Variants in TBCK observed in about 807,000 individuals in gnomAD.
TBCK encodes the protein TBC1 domain containing kinase.
TBCK carries 99 observed loss-of-function variants against 113.4 expected under a neutral mutation model. The observed-to-expected ratio is 0.87, with a 90% CI of 0.74 to 1.03. The LOEUF (loss-of-function observed/expected upper bound fraction) is 1.03. TBCK is among the 50% of genes least tolerant of loss of function. TBCK has a pLI of 0.00. For synonymous variants in TBCK, 369 were observed against 370.8 expected (o/e 1.00, Z 0.05); for missense variants, 1,045 against 1,061.3 (o/e 0.98, Z 0.21).
At chr4:106,064,133 A>C (rs1736360268) in intron 25 of TBCK, among the ~76,000 whole-genome samples, 1 of 151,950 alleles carries the variant, frequency 6.6e-6, no homozygotes, top group Non-Finnish European at 1.5e-5. Context: ...CAAATATACT[A>C]GGGCTACAGG....
chr4:106,254,635 TAA>T (rs796167049), intron 5 of TBCK, among the ~76,000 whole-genome samples: 2 of 152,268 alleles, frequency 1.3e-5, no homozygotes, highest in African/African-American at 2.4e-5. Flanking sequence ...CTTTTATATT[TAA>T]GTTTCTTGAT....
In TBCK at chr4:106,214,628, AAATG is replaced by A. The variant is rs765959172; in HGVS notation, c.1775-1797_1775-1794del. ...GAAAGGGTATCAGCAATGGAAGATG[AAATG>A]AATGAAATGAAGTGAGAAGGAAAGT... On this transcript the variant is annotated intron_variant, in intron 19 of 25. Coordinates refer to ENST00000394708, the MANE Select transcript of TBCK (RefSeq NM_001163435.3). 2.2e-4 allele frequency among the ~76,000 whole-genome samples: 33 copies of A among 152,310 alleles called. No homozygotes were observed. In the East Asian group the frequency reaches 3.5e-3, roughly 16 times the overall value.
intron 3 of TBCK, among the ~76,000 whole-genome samples, chr4:106,267,459 G>A (rs1417982951): frequency 2.0e-5 from 3 of 151,844 alleles, no homozygotes; most frequent in African/African-American, 7.2e-5. Context: ...TAGAAGGACA[G>A]ATTTACAAAC....
At chr4:106,140,428 A>AG (rs1747042299) in intron 23 of TBCK, among the ~76,000 whole-genome samples, 1 of 141,230 alleles carries the variant, frequency 7.1e-6, no homozygotes, top group Non-Finnish European at 1.6e-5. Context: ...AAAACACATG[A>AG]GGCTACTTTA....
chr4:106,060,339 G>A (rs1408927513), intron 25 of TBCK, among the ~76,000 whole-genome samples: 1 of 151,718 alleles, frequency 6.6e-6, no homozygotes, highest in Non-Finnish European at 1.5e-5. Context: ...AGAGGCTAAT[G>A]TAGATGGTGA....
chr4:106,178,500 GTTCT>G (rs1160513651), intron 22 of TBCK, among the ~76,000 whole-genome samples: 4 of 151,858 alleles, frequency 2.6e-5, no homozygotes, highest in African/African-American at 7.2e-5. Flanking sequence ...CTTATACCCA[GTTCT>G]TTGAGAATTT....
At chr4:106,241,186 T>C (rs932638640) in intron 12 of TBCK, among the ~76,000 whole-genome samples, 1 of 151,600 alleles carries the variant, frequency 6.6e-6, no homozygotes, top group Non-Finnish European at 1.5e-5. Flanking sequence ...CAATAATAAA[T>C]TACCTTAGAA....
rs1734227894 is a variant in TBCK at position 106,046,480 on chromosome 4, C to T, written c.*90G>A. Reference sequence around the variant, plus strand: ...TACGGAAATGCAACAATCTGGACATCTAGTTTTGTCTGAGAGTGGCGTGGA... The same window carrying T: ...TACGGAAATGCAACAATCTGGACATTTAGTTTTGTCTGAGAGTGGCGTGGA... On this transcript the variant is annotated 3_prime_UTR_variant, in exon 26 of 26. Coordinates refer to ENST00000394708, the MANE Select transcript of TBCK (RefSeq NM_001163435.3). 1.4e-6 allele frequency: 1 copy of T among 691,352 alleles called. No homozygotes were observed. The highest frequency in any genetic ancestry group is 1.8e-5 in the African/African-American group (1 of 54,810). 42.8% of individuals were successfully genotyped at this position (691,352 alleles called of 1,614,324 possible).
intron 22 of TBCK, among the ~76,000 whole-genome samples, chr4:106,177,232 T>C (rs1010240088): frequency 6.6e-6 from 1 of 151,970 alleles, no homozygotes; most frequent in Admixed American, 6.6e-5. Context: ...TTATGTACTC[T>C]GGCTACTAAT....
In TBCK at chr4:106,070,757, T is replaced by G. The variant is rs559489319; in HGVS notation, c.2572-24077A>C. Among the ~76,000 whole-genome samples, 5 of 152,332 alleles carry G rather than the reference T, an allele frequency of 3.3e-5. No homozygotes were observed. In the East Asian group the frequency reaches 9.6e-4, roughly 29 times the overall value. ...TTGTAATTCTGGTAGAATTGGGCTGTGAATCCATCTGGTCCTCGACTTTTT... is the reference window on the plus strand; with the variant it reads ...TTGTAATTCTGGTAGAATTGGGCTGGGAATCCATCTGGTCCTCGACTTTTT... On this transcript the variant is annotated intron_variant, in intron 25 of 25. Coordinates refer to ENST00000394708, the MANE Select transcript of TBCK (RefSeq NM_001163435.3).
At chr4:106,217,045 A>G (rs1757030548) in intron 19 of TBCK, among the ~76,000 whole-genome samples, 1 of 152,130 alleles carries the variant, frequency 6.6e-6, no homozygotes, top group South Asian at 2.1e-4. Flanking sequence ...CATCCCTGGG[A>G]TGCAAGGCTG....
intron 20 of TBCK, among the ~76,000 whole-genome samples, chr4:106,201,548 A>G (rs1344774719): frequency 2.0e-5 from 3 of 152,058 alleles, no homozygotes; most frequent in South Asian, 2.1e-4. Flanking sequence ...GCTATTCTAC[A>G]CAGTCAGCTA....
chr4:106,252,136 C>A, intron 5 of TBCK, 129 bp from the exon 6 acceptor site: 1 of 655,802 alleles, frequency 1.5e-6, no homozygotes, highest in Admixed American at 3.3e-5. Context: ...TGCTAGAAAG[C>A]ATTCTAAACT....
At chr4:106,308,647 G>GA in intron 2 of TBCK, 121 bp downstream of exon 2, 1 of 881,072 alleles carries the variant, frequency 1.1e-6, no homozygotes, top group Non-Finnish European at 1.7e-6. Context: ...AAGGATGAGA[G>GA]AAAGAAGGAC....
chr4:106,287,224 GGA>G (rs1765204288), intron 3 of TBCK, among the ~76,000 whole-genome samples: 1 of 151,998 alleles, frequency 6.6e-6, no homozygotes, highest in Non-Finnish European at 1.5e-5. Flanking sequence ...TGGGACTTCT[GGA>G]TATTCCCTTA....
intron 23 of TBCK, among the ~76,000 whole-genome samples, chr4:106,155,042 G>C (rs1340807546): frequency 6.6e-6 from 1 of 151,824 alleles, no homozygotes. Flanking sequence ...TGTAGGATAG[G>C]TCTGGTATTG....
chr4:106,052,102 T>A (rs1445239262), intron 25 of TBCK, among the ~76,000 whole-genome samples: 1 of 151,894 alleles, frequency 6.6e-6, no homozygotes, highest in Admixed American at 6.6e-5. Flanking sequence ...CATTGAAGTT[T>A]ATTTTCTTAA....
intron 23 of TBCK, among the ~76,000 whole-genome samples, chr4:106,130,901 A>T (rs1745820679): frequency 6.6e-6 from 1 of 152,204 alleles, no homozygotes; most frequent in Non-Finnish European, 1.5e-5. Flanking sequence ...GACTATACTT[A>T]TAATAGGTAA....
chr4:106,166,181 C>G (rs1750351316), intron 23 of TBCK, among the ~76,000 whole-genome samples: 1 of 150,780 alleles, frequency 6.6e-6, no homozygotes, highest in Non-Finnish European at 1.5e-5. Flanking sequence ...TTTGAACCTT[C>G]AAATAAACAA....
Sources: allele counts gnomAD v4.1 joint callset (sites outside exome capture counted in the v4.1 genomes callset), GRCh38; gene constraint gnomAD v4.1.1; transcripts MANE v1.5; gene names NCBI Gene and HGNC (gene_info 2026-07-23, HGNC 2026-07-21).